The following TMEM132D variants were observed in gnomAD, a reference collection of about 807,000 sequenced individuals.
TMEM132D encodes mature OL transmembrane protein.
Under a neutral mutation model 62.3 loss-of-function variants are expected in TMEM132D, and 21 were observed. The ratio of observed to expected loss-of-function variants is 0.34; its 90% confidence interval spans 0.24 to 0.49. TMEM132D has a LOEUF of 0.49. TMEM132D is among the 20% of genes least tolerant of loss of function. TMEM132D has a pLI of 0.99. For missense variants in TMEM132D, 1,346 were observed against 1,402.8 expected (o/e 0.96, Z 0.65); for synonymous variants, 621 against 575.6 (o/e 1.08, Z -1.13).
At chr12:129,769,653 A>G (rs971694860) in intron 1 of TMEM132D, among the ~76,000 whole-genome samples, 1 of 152,140 alleles carries the variant, frequency 6.6e-6, no homozygotes, top group Non-Finnish European at 1.5e-5. Context: ...AGGAAAAGAG[A>G]GTCTTGGGGA....
intron 5 of TMEM132D, among the ~76,000 whole-genome samples, chr12:129,206,999 C>T (rs943549353): frequency 7.9e-5 from 12 of 152,130 alleles, no homozygotes; most frequent in African/African-American, 1.2e-4. Context: ...CTCTTGAGTA[C>T]TGTGCTTATT....
chr12:129,216,743 G>T (rs12307807), intron 4 of TMEM132D, among the ~76,000 whole-genome samples: 1 of 152,060 alleles, frequency 6.6e-6, no homozygotes, highest in Non-Finnish European at 1.5e-5. Context: ...AAAAGGAAGC[G>T]CCTGGATGCC....
chr12:129,512,421 G>C (rs959338549), intron 3 of TMEM132D, among the ~76,000 whole-genome samples: 1 of 152,220 alleles, frequency 6.6e-6, no homozygotes, highest in African/African-American at 2.4e-5. Flanking sequence ...CGTCAAAAGA[G>C]ACGAGCCCTT....
chr12:129,544,048 T>C (rs1389813751), intron 2 of TMEM132D, among the ~76,000 whole-genome samples: 2 of 152,236 alleles, frequency 1.3e-5, no homozygotes, highest in East Asian at 1.9e-4. Context: ...TCAATTTGTA[T>C]AGAACTTGCG....
chr12:129,770,699 C>T (rs1320778395), intron 1 of TMEM132D, among the ~76,000 whole-genome samples: 2 of 152,190 alleles, frequency 1.3e-5, no homozygotes, highest in African/African-American at 2.4e-5. Context: ...TTGCCTTACG[C>T]AAGCTCAGAA....
intron 2 of TMEM132D, among the ~76,000 whole-genome samples, chr12:129,547,230 G>A (rs948056914): frequency 5.3e-5 from 8 of 151,988 alleles, no homozygotes; most frequent in East Asian, 3.9e-4. Flanking sequence ...GTGTCTTCAC[G>A]GGGCCTTCCT....
At position 129,437,385 on chromosome 12, in the gene TMEM132D, T is replaced by C. The variant is rs554175696; in HGVS notation, c.1115+93674A>G. ...ATACACTTTGTCTGCTTAGAGCCAC[T>C]GTATTTTTAAGTATTTGGGGTATAA... On this transcript the variant is annotated intron_variant, in intron 3 of 8. Coordinates refer to ENST00000422113, the MANE Select transcript of TMEM132D (RefSeq NM_133448.3). 3.3e-5 allele frequency among the ~76,000 whole-genome samples: 5 copies of C among 152,338 alleles called. No individual in the cohort carries two copies. The East Asian group carries it at 9.6e-4, about 29-fold the overall frequency.
At chr12:129,252,759 C>A (rs1185991799) in intron 4 of TMEM132D, among the ~76,000 whole-genome samples, 1 of 152,046 alleles carries the variant, frequency 6.6e-6, no homozygotes, top group Admixed American at 6.6e-5. Flanking sequence ...TATAGCGGCA[C>A]TATTCACAAT....
At chr12:129,535,640 A>C (rs1455076715) in intron 2 of TMEM132D, among the ~76,000 whole-genome samples, 2 of 152,214 alleles carry the variant, frequency 1.3e-5, no homozygotes, top group Non-Finnish European at 2.9e-5. Flanking sequence ...TGAAATTCAC[A>C]CTGGGGCTAT....
chr12:129,160,572 A>G (rs981956196), intron 5 of TMEM132D, among the ~76,000 whole-genome samples: 3 of 152,224 alleles, frequency 2.0e-5, no homozygotes, highest in African/African-American at 7.2e-5. Flanking sequence ...AGAGAGACTG[A>G]TTCCTGATAG....
intron 4 of TMEM132D, among the ~76,000 whole-genome samples, chr12:129,220,152 T>C (rs745778758): frequency 2.0e-5 from 3 of 152,098 alleles, no homozygotes; most frequent in Non-Finnish European, 4.4e-5. Context: ...TATTCAGGAA[T>C]ATGGATGGGA....
chr12:129,299,296 G>A (rs1232610361), intron 4 of TMEM132D, among the ~76,000 whole-genome samples: 1 of 152,180 alleles, frequency 6.6e-6, no homozygotes, highest in Non-Finnish European at 1.5e-5. Flanking sequence ...GCTAAAATGT[G>A]AGAAGAGCAA....
chr12:129,167,048 T>A (rs1400050699), intron 5 of TMEM132D, among the ~76,000 whole-genome samples: 1 of 151,488 alleles, frequency 6.6e-6, no homozygotes, highest in Non-Finnish European at 1.5e-5. Context: ...TGGGCCCAGA[T>A]ACTTTGGAGG....
At chr12:129,794,336 A>G (rs1161803849) in intron 1 of TMEM132D, among the ~76,000 whole-genome samples, 1 of 146,262 alleles carries the variant, frequency 6.8e-6, no homozygotes. Flanking sequence ...TCCTGATCTC[A>G]GGTGATCAAC....
At chr12:129,321,000 G>C (rs548315851) in intron 4 of TMEM132D, among the ~76,000 whole-genome samples, 1 of 148,798 alleles carries the variant, frequency 6.7e-6, no homozygotes, top group Non-Finnish European at 1.5e-5. Flanking sequence ...CTACCTACCT[G>C]TCATCTATCT....
At chr12:129,752,949 G>T (rs1870046750) in intron 1 of TMEM132D, among the ~76,000 whole-genome samples, 2 of 152,220 alleles carry the variant, frequency 1.3e-5, no homozygotes, top group South Asian at 4.1e-4. Flanking sequence ...CAACTTTGGT[G>T]AGAAGCTATT....
At position 129,630,486 on chromosome 12, in the gene TMEM132D, A is replaced by T. The variant is rs115210824; in HGVS notation, c.968+69324T>A. 1.1e-3 allele frequency among the ~76,000 whole-genome samples: 165 copies of T among 152,226 alleles called. 1 individual carries two copies. The highest frequency in any genetic ancestry group is 3.8e-3 in the African/African-American group (158 of 41,550). ...GGTGGTTTTCTAGAACATTTCTTGG[A>T]GGTTTCCTGGAAGGTTTCTTGGAGT... On this transcript the variant is annotated intron_variant, in intron 2 of 8. Transcript: ENST00000422113.
At chr12:129,817,472 C>T (rs1872380930) in intron 1 of TMEM132D, among the ~76,000 whole-genome samples, 1 of 152,178 alleles carries the variant, frequency 6.6e-6, no homozygotes, top group Non-Finnish European at 1.5e-5. Flanking sequence ...TCTCTCCCCA[C>T]TTCTCCAGGA....
rs151317980 is a variant in TMEM132D at position 129,210,535 on chromosome 12, G to A, written c.1300-872C>T. Reference sequence around the variant, plus strand: ...GCTCAAGACAGGTGTCTTTAGGGATGTCCCGGCTTGCCCCAAGTATTTGCT... The same window carrying A: ...GCTCAAGACAGGTGTCTTTAGGGATATCCCGGCTTGCCCCAAGTATTTGCT... On this transcript the variant is annotated intron_variant, in intron 4 of 8. Coordinates refer to ENST00000422113, the MANE Select transcript of TMEM132D (RefSeq NM_133448.3). Among the ~76,000 whole-genome samples, 303 of 152,304 alleles carry A rather than the reference G, an allele frequency of 2.0e-3. 2 individuals are homozygous for A. The highest frequency in any genetic ancestry group is 6.8e-3 in the African/African-American group (284 of 41,566).
Sources: allele counts gnomAD v4.1 joint callset (sites outside exome capture counted in the v4.1 genomes callset), GRCh38; gene constraint gnomAD v4.1.1; transcripts MANE v1.5; gene names NCBI Gene and HGNC (gene_info 2026-07-23, HGNC 2026-07-21).